The following RBFA variants were observed in gnomAD, a reference collection of about 807,000 sequenced individuals.
RBFA encodes ribosome binding factor A.
Under a neutral mutation model 27.9 loss-of-function variants are expected in RBFA, and 16 were observed. That is an observed-to-expected ratio of 0.57 (90% CI 0.39 to 0.87). RBFA has a LOEUF of 0.87. RBFA is among the 40% of genes least tolerant of loss of function. The pLI, the probability that RBFA is intolerant of heterozygous loss-of-function variation, is 0.00. For synonymous variants in RBFA, 181 were observed against 181.0 expected (o/e 1.00, Z 0.00); for missense variants, 456 against 432.1 (o/e 1.06, Z -0.49).
intron 5 of RBFA, among the ~76,000 whole-genome samples, chr18:80,044,009 G>A (rs1398261829): frequency 2.0e-5 from 3 of 152,236 alleles, no homozygotes; most frequent in African/African-American, 7.2e-5. Flanking sequence ...CAGAGAAAAT[G>A]TGTTATGTTA....
Position 80,046,186 on chromosome 18 carries a change from A to T in RBFA, c.*31A>T, listed in dbSNP as rs777581984. ...GAGGCTCTGCCCATCCCACATTTGC[A>T]GGGAAAAGCATTGGCACGCAACGCA... On this transcript the variant is annotated 3_prime_UTR_variant, in exon 7 of 7. Coordinates refer to ENST00000306735, the MANE Select transcript of RBFA (RefSeq NM_024805.3). 6.2e-7 allele frequency: 1 copy of T among 1,600,996 alleles called. No homozygotes were observed. Among genetic ancestry groups the T allele is most frequent in the Non-Finnish European group, 8.5e-7 (1 of 1,171,938 alleles).
intron 4 of RBFA, 124 bp downstream of exon 4, chr18:80,038,741 A>G: frequency 1.5e-6 from 1 of 655,370 alleles, no homozygotes; most frequent in South Asian, 2.1e-5. Context: ...AAAATTTTGG[A>G]GGCATTTTCT....
rs1197059768 is a variant in RBFA, at chr18:80,046,583, C to T, written c.*428C>T. Among the ~76,000 whole-genome samples the T allele has an allele frequency of 6.6e-6, 1 of 152,182 alleles. No homozygotes were observed. Among genetic ancestry groups the T allele is most frequent in the Non-Finnish European group, 1.5e-5 (1 of 68,034 alleles). The stretch of plus-strand genomic sequence containing the variant: ...CCAACCCCCTGGAGCTGGGCTCCGT[C>T]CCTGGGGCTGCTGGGCTGGCACGTG... On this transcript the variant is annotated 3_prime_UTR_variant, in exon 7 of 7. Transcript: ENST00000306735.
At chr18:80,038,414 G>A (rs773351204) in intron 3 of RBFA, 91 bp from the exon 4 acceptor site, 22 of 846,590 alleles carry the variant, frequency 2.6e-5, no homozygotes, top group Non-Finnish European at 3.6e-5. Context: ...TGGGAGGGGC[G>A]TCTGCAGCTG....
At chr18:80,042,455 C>T (rs555170504) in intron 5 of RBFA, among the ~76,000 whole-genome samples, 3 of 151,734 alleles carry the variant, frequency 2.0e-5, no homozygotes, top group South Asian at 2.1e-4. Context: ...GTTTTAAATC[C>T]TGAAAAGATA....
Position 80,034,448 on chromosome 18 carries a change from G to C in RBFA, c.-48G>C. 7.0e-7 allele frequency: 1 copy of C among 1,428,294 alleles called. No homozygotes were observed. The highest frequency in any genetic ancestry group is 9.1e-7 in the Non-Finnish European group (1 of 1,097,156). 88.5% of individuals were successfully genotyped at this position (1,428,294 alleles called of 1,614,324 possible). A position where few individuals can be genotyped will look rare whatever the true frequency, so the allele number is the denominator to read the frequency against. On this transcript the variant is annotated 5_prime_UTR_variant, in exon 1 of 7. Coordinates refer to ENST00000306735, the MANE Select transcript of RBFA (RefSeq NM_024805.3). ...ACCCTCGCGTCAGTTGTCGCTCCGC[G>C]CCTGCGCCCGTTGTCTCCCTGCTCG...
Position 80,046,291 on chromosome 18 carries a change from G to T in RBFA, c.*136G>T. On this transcript the variant is annotated 3_prime_UTR_variant, in exon 7 of 7. Transcript: ENST00000306735. ...CTTCAACATTTTCTAGCTTTTCCGT[G>T]TATCTAAACACAATTTGCTACACAA... is the stretch of plus-strand genomic sequence containing the variant. 1 of 1,010,816 alleles carries T rather than the reference G, an allele frequency of 9.9e-7. No homozygotes were observed. The allele number at this position is 1,010,816 out of a possible 1,614,324, so 62.6% of individuals were successfully genotyped here. A position where few individuals can be genotyped will look rare whatever the true frequency, so the allele number is the denominator to read the frequency against.
rs1323273266 is a variant in RBFA, at chr18:80,048,781, A to G, written c.*2626A>G. ...GGCGCCGGCTCAGTGCCTCCTAGAA[A>G]GAGGAGTGTGGGCACGTTTGCAGGG... On this transcript the variant is annotated 3_prime_UTR_variant, in exon 7 of 7. Coordinates refer to ENST00000306735, the MANE Select transcript of RBFA (RefSeq NM_024805.3). 1.3e-5 allele frequency among the ~76,000 whole-genome samples: 2 copies of G among 148,254 alleles called. No homozygotes were observed. Among genetic ancestry groups the G allele is most frequent in the African/African-American group, 5.3e-5 (2 of 37,880 alleles).
At chr18:80,038,162 C>T (rs116286071) in intron 3 of RBFA, among the ~76,000 whole-genome samples, 19 of 152,314 alleles carry the variant, frequency 1.2e-4, no homozygotes, top group African/African-American at 4.3e-4. Flanking sequence ...CTCTGACCCA[C>T]TCAGTGAGTT....
intron 6 of RBFA, among the ~76,000 whole-genome samples, chr18:80,045,119 ACT>A (rs2052042066): frequency 6.6e-6 from 1 of 151,506 alleles, no homozygotes; most frequent in African/African-American, 2.4e-5. Flanking sequence ...CCAAGAATAG[ACT>A]CTTCATGAAG....
At chr18:80,036,288 G>C (rs533557700) in intron 1 of RBFA, among the ~76,000 whole-genome samples, 1 of 152,198 alleles carries the variant, frequency 6.6e-6, no homozygotes, top group South Asian at 2.1e-4. Flanking sequence ...CCATCCATTT[G>C]CTTAATTGTT....
intron 5 of RBFA, among the ~76,000 whole-genome samples, chr18:80,043,505 C>T (rs1177787292): frequency 6.6e-6 from 1 of 152,202 alleles, no homozygotes; most frequent in African/African-American, 2.4e-5. Flanking sequence ...CTGGGGAGGA[C>T]GTGCCAGTCT....
At position 80,045,842 on chromosome 18, in the gene RBFA, A is replaced by G. The variant is rs746881728; in HGVS notation, c.719A>G (p.Asp240Gly). The change falls in exon 7 of 7, where the codon GAT becomes GGT. Residue 240 changes from aspartate to glycine, a missense_variant. Physicochemically the swap from Asp to Gly is moderately conservative, Grantham distance 94. Coordinates refer to ENST00000306735, the MANE Select transcript of RBFA (RefSeq NM_024805.3). ...PTTSSSLCGI[D>G]HEALNKQIME... ...ACAAGCTCCAGTCTGTGTGGGATCG[A>G]TCATGAGGCGCTCAACAAGCAGATT... is the stretch of plus-strand genomic sequence containing the variant. 10 of 1,573,338 alleles carry G rather than the reference A, an allele frequency of 6.4e-6. No homozygotes were observed. The highest frequency in any genetic ancestry group is 1.8e-5 in the Admixed American group (1 of 55,796).
rs2052060264 is a variant in RBFA at position 80,047,047 on chromosome 18, T to C, written c.*892T>C. 6.6e-6 allele frequency: 1 copy of C among 152,292 alleles called. No homozygotes were observed. The highest frequency in any genetic ancestry group is 1.9e-4 in the East Asian group (1 of 5,202). The allele number at this position is 152,292 out of a possible 1,614,324, so 9.4% of individuals were successfully genotyped here. On this transcript the variant is annotated 3_prime_UTR_variant, in exon 7 of 7. Transcript: ENST00000306735. ...TCTTAATGTCCCAGCCCCTGTGAGC[T>C]GTCAGGTTCTAAATTCAGAATTCTC... is the stretch of plus-strand genomic sequence containing the variant.
chr18:80,043,379 G>A (rs1297481272), intron 5 of RBFA, among the ~76,000 whole-genome samples: 1 of 152,184 alleles, frequency 6.6e-6, no homozygotes, highest in African/African-American at 2.4e-5. Context: ...TGACAGATTC[G>A]TGATTTCCCT....
chr18:80,046,280 A>C lies in RBFA; in HGVS notation c.*125A>C. 1 of 1,126,548 alleles carries C rather than the reference A, an allele frequency of 8.9e-7. No homozygotes were observed. Among genetic ancestry groups the C allele is most frequent in the Non-Finnish European group, 1.2e-6 (1 of 803,928 alleles). 69.8% of individuals were successfully genotyped at this position (1,126,548 alleles called of 1,614,324 possible). A position where few individuals can be genotyped will look rare whatever the true frequency, so the allele number is the denominator to read the frequency against. On this transcript the variant is annotated 3_prime_UTR_variant, in exon 7 of 7. Coordinates refer to ENST00000306735, the MANE Select transcript of RBFA (RefSeq NM_024805.3). ...CTCTTCTGCTACTTCAACATTTTCT[A>C]GCTTTTCCGTGTATCTAAACACAAT...
At position 80,048,827 on chromosome 18, in the gene RBFA, C is replaced by A. The variant is rs925778034; in HGVS notation, c.*2672C>A. On this transcript the variant is annotated 3_prime_UTR_variant, in exon 7 of 7. Transcript: ENST00000306735. ...CAGGGGATCCAACCAGGCGTCAGCTCAGTGCCTCCTAGAAAGTGGAGTGTG... is the reference window on the plus strand; with the variant it reads ...CAGGGGATCCAACCAGGCGTCAGCTAAGTGCCTCCTAGAAAGTGGAGTGTG... Among the ~76,000 whole-genome samples the A allele has an allele frequency of 3.4e-5, 5 of 148,178 alleles. No individual in the cohort carries two copies. The highest frequency in any genetic ancestry group is 5.9e-5 in the Non-Finnish European group (4 of 67,476).
At chr18:80,040,991 A>G (rs888824733) in intron 4 of RBFA, among the ~76,000 whole-genome samples, 1 of 152,184 alleles carries the variant, frequency 6.6e-6, no homozygotes, top group African/African-American at 2.4e-5. Flanking sequence ...CTCTCTCAGA[A>G]CTGGAATTCC....
rs2052071631 is a variant in RBFA at position 80,048,485 on chromosome 18, T to G, written c.*2330T>G. ...AATTTATTGTTACAAAACAGATTGCTGCCATCAATTTGTCTCAGGTCCTTC... is the reference window on the plus strand; with the variant it reads ...AATTTATTGTTACAAAACAGATTGCGGCCATCAATTTGTCTCAGGTCCTTC... On this transcript the variant is annotated 3_prime_UTR_variant, in exon 7 of 7. Transcript: ENST00000306735. Among the ~76,000 whole-genome samples the G allele has an allele frequency of 6.6e-6, 1 of 152,242 alleles. No individual in the cohort carries two copies. Among genetic ancestry groups the G allele is most frequent in the African/African-American group, 2.4e-5 (1 of 41,458 alleles).
Sources: allele counts gnomAD v4.1 joint callset (sites outside exome capture counted in the v4.1 genomes callset), GRCh38; gene constraint gnomAD v4.1.1; transcripts MANE v1.5; gene names NCBI Gene and HGNC (gene_info 2026-07-23, HGNC 2026-07-21).